SNTG2: variants seen among roughly 807,000 people sequenced by gnomAD.
SNTG2 encodes gamma-2-syntrophin.
A neutral mutation model predicts 70.9 loss-of-function variants in SNTG2; 74 were observed. That is an observed-to-expected ratio of 1.04 (90% confidence interval 0.86 to 1.27). The LOEUF (loss-of-function observed/expected upper bound fraction) is 1.27. Ranked by LOEUF, SNTG2 falls within the 50% of genes most tolerant of loss-of-function variation. The pLI, the probability that SNTG2 is intolerant of heterozygous loss-of-function variation, is 0.00. For synonymous variants in SNTG2, 278 were observed against 273.8 expected, an observed-to-expected ratio of 1.02 and a Z score of -0.15; for missense variants, 717 against 690.7, an observed-to-expected ratio of 1.04 and a Z score of -0.43.
At chr2:1,120,752 T>C (rs1251639467) in intron 4 of SNTG2, among the ~76,000 whole-genome samples, 1 of 152,022 alleles carries the variant, frequency 6.6e-6, no homozygotes, top group East Asian at 1.9e-4. Flanking sequence ...CTTAAATACA[T>C]AAAGCAAATA....
intron 1 of SNTG2, among the ~76,000 whole-genome samples, chr2:1,074,044 G>A (rs191940670): frequency 6.6e-6 from 1 of 152,266 alleles, no homozygotes; most frequent in African/African-American, 2.4e-5. Flanking sequence ...TGATATGTGG[G>A]TTCAAAAGGA....
intron 2 of SNTG2, among the ~76,000 whole-genome samples, chr2:1,088,263 T>G (rs1359620229): frequency 1.3e-5 from 2 of 152,258 alleles, no homozygotes. Context: ...TATTAGTTTG[T>G]TAACTCTTCC....
At chr2:1,224,605 G>T (rs1276108039) in intron 9 of SNTG2, among the ~76,000 whole-genome samples, 1 of 152,198 alleles carries the variant, frequency 6.6e-6, no homozygotes, top group Non-Finnish European at 1.5e-5. Flanking sequence ...GGAGGAGGAG[G>T]TACAGACAGA....
chr2:1,022,051 G>A (rs552765204), intron 1 of SNTG2, among the ~76,000 whole-genome samples: 7 of 147,838 alleles, frequency 4.7e-5, no homozygotes, highest in South Asian at 2.2e-4. Context: ...CTAGTTACAC[G>A]TGAACTAGTA....
chr2:961,712 G>A (rs1020034169), intron 1 of SNTG2, among the ~76,000 whole-genome samples: 1 of 152,168 alleles, frequency 6.6e-6, no homozygotes, highest in Non-Finnish European at 1.5e-5. Flanking sequence ...TACATTCCCA[G>A]TGAATGGGTC....
chr2:996,673 GTTTTTTTTTTTTTT>G, intron 1 of SNTG2, among the ~76,000 whole-genome samples: 15 of 35,114 alleles, frequency 4.3e-4, no homozygotes, highest in Middle Eastern at 0.018. Context: ...GAGTTACCCA[GTTTTTTTTTTTTTT>G]TTTTTTTTTT....
At chr2:1,263,589 G>C (rs1241201776) in intron 13 of SNTG2, among the ~76,000 whole-genome samples, 1 of 152,046 alleles carries the variant, frequency 6.6e-6, no homozygotes, top group African/African-American at 2.4e-5. Flanking sequence ...GGGGTGGCTG[G>C]AAATGCTGTT....
Position 1,248,513 on chromosome 2 carries a change from A to G in SNTG2, c.1005+1070A>G, listed in dbSNP as rs538553404. Among the ~76,000 whole-genome samples, 80 of 152,368 alleles carry G rather than the reference A, an allele frequency of 5.3e-4. 1 individual carries two copies. The South Asian group carries it at 0.017, about 32-fold the overall frequency. Reference sequence around the variant, plus strand: ...TGAAATAAACCAGCACTTTGTGCTTATTGCACCTAAATGTTTGCATGAATA... The same window carrying G: ...TGAAATAAACCAGCACTTTGTGCTTGTTGCACCTAAATGTTTGCATGAATA... On this transcript the variant is annotated intron_variant, in intron 12 of 16. Coordinates refer to ENST00000308624, the MANE Select transcript of SNTG2 (RefSeq NM_018968.4).
intron 8 of SNTG2, among the ~76,000 whole-genome samples, chr2:1,203,280 A>G (rs1190403759): frequency 6.6e-6 from 1 of 152,192 alleles, no homozygotes; most frequent in Non-Finnish European, 1.5e-5. Context: ...CAGGAAATAG[A>G]GGAGGTTGAA....
chr2:955,180 G>A (rs57665956), intron 1 of SNTG2, among the ~76,000 whole-genome samples: 6,001 of 152,238 alleles, frequency 0.039, 388 homozygotes, highest in African/African-American at 0.14. Context: ...TCACTTCTCT[G>A]GACTTGAAAC....
intron 4 of SNTG2, among the ~76,000 whole-genome samples, chr2:1,118,496 T>C (rs975104760): frequency 6.6e-6 from 1 of 152,128 alleles, no homozygotes; most frequent in African/African-American, 2.4e-5. Context: ...CAGGCCCATC[T>C]GTATGTGAAA....
intron 7 of SNTG2, among the ~76,000 whole-genome samples, chr2:1,167,430 C>A (rs193124896): frequency 7.0e-6 from 1 of 143,594 alleles, no homozygotes; most frequent in Non-Finnish European, 1.5e-5. Flanking sequence ...GCCTAGAAGC[C>A]GCCCACAGAC....
chr2:1,234,830 C>A (rs928747479), intron 9 of SNTG2, among the ~76,000 whole-genome samples: 1 of 152,200 alleles, frequency 6.6e-6, no homozygotes, highest in African/African-American at 2.4e-5. Flanking sequence ...ATGGTGTAAA[C>A]CTCCAAAGGC....
At chr2:1,270,337 TA>T (rs1312600609) in intron 14 of SNTG2, among the ~76,000 whole-genome samples, 2 of 152,234 alleles carry the variant, frequency 1.3e-5, no homozygotes, top group African/African-American at 4.8e-5. Flanking sequence ...GGAGTACTTA[TA>T]AAATTATATT....
intron 1 of SNTG2, among the ~76,000 whole-genome samples, chr2:1,009,365 G>T (rs1307976554): frequency 2.8e-5 from 2 of 72,196 alleles, no homozygotes; most frequent in Non-Finnish European, 5.4e-5. Context: ...AAGACATGCT[G>T]GTTCTGATAC....
At chr2:1,340,293 T>C (rs1384934244) in intron 16 of SNTG2, among the ~76,000 whole-genome samples, 1 of 152,210 alleles carries the variant, frequency 6.6e-6, no homozygotes, top group African/African-American at 2.4e-5. Flanking sequence ...AAGAGGAGTC[T>C]ATGCAGACAG....
intron 4 of SNTG2, among the ~76,000 whole-genome samples, chr2:1,118,041 C>G (rs374795556): frequency 6.6e-6 from 1 of 152,156 alleles, no homozygotes; most frequent in South Asian, 2.1e-4. Flanking sequence ...CCTGGCCCCC[C>G]AGGTCTGAAC....
chr2:997,899 C>G (rs1335263494), intron 1 of SNTG2, among the ~76,000 whole-genome samples: 1 of 152,184 alleles, frequency 6.6e-6, no homozygotes, highest in Non-Finnish European at 1.5e-5. Flanking sequence ...CATTACAAAA[C>G]CTGTTGACAC....
At chr2:1,152,203 G>A (rs1450262692) in intron 6 of SNTG2, among the ~76,000 whole-genome samples, 1 of 152,334 alleles carries the variant, frequency 6.6e-6, no homozygotes, top group East Asian at 1.9e-4. Context: ...GTGTGAAGAT[G>A]TAGGGTAGAG....
Sources: gnomAD v4.1 joint callset for allele counts (sites outside exome capture counted in the v4.1 genomes callset) on GRCh38, gnomAD v4.1.1 for gene constraint, MANE v1.5 for transcripts, NCBI Gene and HGNC (gene_info 2026-07-23, HGNC 2026-07-21) for gene names.